CDH13: variants seen among roughly 807,000 people sequenced by gnomAD.
CDH13 encodes cadherin 13, also known as cadherin-13.
Under a neutral mutation model 63.8 loss-of-function variants are expected in CDH13, and 24 were observed. That is an observed-to-expected ratio of 0.38 (90% confidence interval 0.27 to 0.53). CDH13 has a LOEUF of 0.53. Among genes scored for constraint, CDH13 ranks in the 20% least tolerant of loss-of-function variants. The pLI is 0.85. For synonymous variants in CDH13, 503 were observed against 355.3 expected, an observed-to-expected ratio of 1.42 and a Z score of -4.67; for missense variants, 1,049 against 903.1, an observed-to-expected ratio of 1.16 and a Z score of -2.07.
At chr16:82,878,291 G>T (rs2151199454) in intron 2 of CDH13, among the ~76,000 whole-genome samples, 1 of 152,050 alleles carries the variant, frequency 6.6e-6, no homozygotes, top group Middle Eastern at 3.4e-3. Flanking sequence ...AAAGCCCTTT[G>T]CTCTCTCAGT....
intron 4 of CDH13, among the ~76,000 whole-genome samples, chr16:83,148,317 A>C (rs768066511): frequency 6.8e-6 from 1 of 147,522 alleles, no homozygotes; most frequent in Admixed American, 6.6e-5. Context: ...CCATGTAGAC[A>C]ACATGTAGAC....
chr16:82,901,610 C>G (rs999207324), intron 2 of CDH13, among the ~76,000 whole-genome samples: 6 of 152,150 alleles, frequency 3.9e-5, no homozygotes, highest in South Asian at 2.1e-4. Context: ...ATAATAATTG[C>G]TCAATATATT....
At chr16:83,516,022 A>G (rs4075554) in intron 7 of CDH13, among the ~76,000 whole-genome samples, 10,943 of 152,282 alleles carry the variant, frequency 0.072, 435 homozygotes, top group African/African-American at 0.085. Context: ...AAGAAAATCA[A>G]TTCAAACATT....
At chr16:83,351,182 T>A (rs2090944193) in intron 6 of CDH13, among the ~76,000 whole-genome samples, 2 of 152,294 alleles carry the variant, frequency 1.3e-5, no homozygotes, top group Admixed American at 1.3e-4. Context: ...TAATTTTTTT[T>A]TGCTGATATT....
intron 2 of CDH13, among the ~76,000 whole-genome samples, chr16:82,895,077 A>C (rs1241612962): frequency 6.6e-6 from 1 of 152,138 alleles, no homozygotes; most frequent in Non-Finnish European, 1.5e-5. Context: ...AGAATCACTC[A>C]TTTTAAGGTG....
intron 2 of CDH13, among the ~76,000 whole-genome samples, chr16:83,014,298 A>G (rs904579384): frequency 6.7e-6 from 1 of 149,648 alleles, no homozygotes; most frequent in African/African-American, 2.5e-5. Context: ...GTGAGGAGAC[A>G]ACTCTTAGAG....
At chr16:82,671,776 G>T (rs1286762590) in intron 1 of CDH13, among the ~76,000 whole-genome samples, 3 of 151,968 alleles carry the variant, frequency 2.0e-5, no homozygotes, top group Admixed American at 1.3e-4. Context: ...TTACTTTCTG[G>T]GTGTTCTTTG....
At chr16:82,921,235 A>G (rs888650167) in intron 2 of CDH13, among the ~76,000 whole-genome samples, 19 of 152,264 alleles carry the variant, frequency 1.2e-4, no homozygotes, top group African/African-American at 4.3e-4. Flanking sequence ...AATCGGCATC[A>G]GTGGGTGGAA....
At chr16:82,701,281 T>C (rs1025861935) in intron 1 of CDH13, among the ~76,000 whole-genome samples, 8 of 152,194 alleles carry the variant, frequency 5.3e-5, no homozygotes, top group African/African-American at 1.9e-4. Context: ...CTATTTTTCT[T>C]AGATGGACCA....
intron 8 of CDH13, among the ~76,000 whole-genome samples, chr16:83,621,288 T>G (rs1446300048): frequency 6.6e-6 from 1 of 152,102 alleles, no homozygotes; most frequent in East Asian, 1.9e-4. Flanking sequence ...GGTCTAGCCC[T>G]TGGGGTCAGC....
intron 1 of CDH13, among the ~76,000 whole-genome samples, chr16:82,791,642 C>T (rs1416885175): frequency 1.3e-5 from 2 of 152,180 alleles, no homozygotes; most frequent in Non-Finnish European, 2.9e-5. Context: ...TGGCTGACTT[C>T]CACCCCTCTG....
chr16:82,954,108 G>C (rs1342985460), intron 2 of CDH13: 1 of 152,272 alleles, frequency 6.6e-6, no homozygotes, highest in African/African-American at 2.4e-5. Flanking sequence ...GGCAACACCA[G>C]GATGCACTGA....
At chr16:83,673,014 T>A (rs1174011214) in intron 9 of CDH13, among the ~76,000 whole-genome samples, 1 of 152,242 alleles carries the variant, frequency 6.6e-6, no homozygotes, top group African/African-American at 2.4e-5. Flanking sequence ...AATACATTAG[T>A]GCTTTTATGT....
At chr16:82,850,065 A>C (rs2034893868) in intron 1 of CDH13, among the ~76,000 whole-genome samples, 1 of 152,354 alleles carries the variant, frequency 6.6e-6, no homozygotes, top group East Asian at 1.9e-4. Flanking sequence ...TGAATCCAGA[A>C]GAAATATTGA....
At chr16:83,757,743 G>T (rs1913632185) in intron 11 of CDH13, among the ~76,000 whole-genome samples, 4 of 152,066 alleles carry the variant, frequency 2.6e-5, no homozygotes, top group African/African-American at 9.7e-5. Flanking sequence ...CCATCAAAAA[G>T]ATACAAAGAT....
Position 82,775,335 on chromosome 16 carries a change from G to A in CDH13, c.46-83027G>A, listed in dbSNP as rs114095175. ...AGTAACCATTGTTTTGAATAGTCAC[G>A]TGTGGATATCAAGTCCAGTTATATT... On this transcript the variant is annotated intron_variant, in intron 1 of 13. Coordinates refer to ENST00000567109, the MANE Select transcript of CDH13 (RefSeq NM_001257.5). Among the ~76,000 whole-genome samples, 373 of 152,308 alleles carry A rather than the reference G, an allele frequency of 2.4e-3. 4 individuals are homozygous for A. The highest frequency in any genetic ancestry group is 8.5e-3 in the African/African-American group (355 of 41,576).
chr16:83,380,854 T>C (rs1178337104), intron 6 of CDH13, among the ~76,000 whole-genome samples: 1 of 151,202 alleles, frequency 6.6e-6, no homozygotes, highest in East Asian at 1.9e-4. Context: ...TTTCCTTTAA[T>C]TAAGGAAAAA....
chr16:82,785,976 G>A (rs966143853), intron 1 of CDH13, among the ~76,000 whole-genome samples: 21 of 152,128 alleles, frequency 1.4e-4, no homozygotes, highest in African/African-American at 5.1e-4. Flanking sequence ...TGTTGGCTAG[G>A]GTTAGACCAC....
At chr16:83,282,957 C>A (rs1015722916) in intron 5 of CDH13, among the ~76,000 whole-genome samples, 2 of 152,172 alleles carry the variant, frequency 1.3e-5, no homozygotes, top group African/African-American at 4.8e-5. Flanking sequence ...TGCTCTAGTA[C>A]AGTTTTAGGC....
Sources: gnomAD v4.1 joint callset for allele counts (sites outside exome capture counted in the v4.1 genomes callset) on GRCh38, gnomAD v4.1.1 for gene constraint, MANE v1.5 for transcripts, NCBI Gene and HGNC (gene_info 2026-07-23, HGNC 2026-07-21) for gene names.